Variants in EFNA5 observed in about 807,000 individuals in gnomAD.
EFNA5 encodes ephrin A5.
In EFNA5, 5 loss-of-function variants were observed where a neutral mutation model predicts 22.9. The observed-to-expected ratio is 0.22, with a 90% confidence interval of 0.11 to 0.46. The LOEUF (loss-of-function observed/expected upper bound fraction) is 0.46, where lower values mean the gene tolerates loss of function less well. Among genes scored for constraint, EFNA5 ranks in the 20% least tolerant of loss-of-function variants. The pLI, the probability that EFNA5 is intolerant of heterozygous loss-of-function variation, is 0.99. For synonymous variants in EFNA5, 113 were observed against 112.2 expected (o/e 1.01, Z -0.04); for missense variants, 237 against 293.3 (o/e 0.81, Z 1.40).
chr5:107,598,984 G>C (rs1749532199), intron 1 of EFNA5, among the ~76,000 whole-genome samples: 1 of 152,096 alleles, frequency 6.6e-6, no homozygotes, highest in South Asian at 2.1e-4. Context: ...CCTGGATTGG[G>C]GGCATCCTAC....
chr5:107,421,316 A>G (rs1400466542), intron 2 of EFNA5, among the ~76,000 whole-genome samples: 3 of 152,234 alleles, frequency 2.0e-5, no homozygotes, highest in African/African-American at 7.2e-5. Flanking sequence ...AATAACTCAG[A>G]TATAACAAAT....
intron 1 of EFNA5, among the ~76,000 whole-genome samples, chr5:107,431,655 T>C (rs1363288937): frequency 2.6e-5 from 4 of 152,100 alleles, no homozygotes; most frequent in Admixed American, 1.3e-4. Context: ...ACTTTTCCAT[T>C]TTGTGAGAGA....
chr5:107,480,765 C>T (rs555702762), intron 1 of EFNA5, among the ~76,000 whole-genome samples: 270 of 152,252 alleles, frequency 1.8e-3, no homozygotes, highest in Non-Finnish European at 3.1e-3. Flanking sequence ...CCCAGAAAGA[C>T]AAAATGAGGG....
intron 1 of EFNA5, among the ~76,000 whole-genome samples, chr5:107,655,019 A>G (rs1363197598): frequency 6.6e-6 from 1 of 152,140 alleles, no homozygotes; most frequent in Non-Finnish European, 1.5e-5. Flanking sequence ...CATGGAAAAA[A>G]AAAAATGCTG....
intron 1 of EFNA5, among the ~76,000 whole-genome samples, chr5:107,633,492 A>C (rs1378179122): frequency 6.6e-6 from 1 of 152,236 alleles, no homozygotes; most frequent in Non-Finnish European, 1.5e-5. Context: ...CCCGCGCCTC[A>C]TGGCACTGCT....
At chr5:107,664,194 G>A (rs778837094) in intron 1 of EFNA5, among the ~76,000 whole-genome samples, 2 of 152,076 alleles carry the variant, frequency 1.3e-5, no homozygotes, top group African/African-American at 2.4e-5. Context: ...AAATCCTTTA[G>A]AGAGTACAAT....
chr5:107,510,994 CTT>C (rs1747355156), intron 1 of EFNA5, among the ~76,000 whole-genome samples: 2 of 136,566 alleles, frequency 1.5e-5, no homozygotes, highest in African/African-American at 6.2e-5. Flanking sequence ...GCATTTCTTT[CTT>C]TTTCTTTGTG....
In EFNA5 at chr5:107,580,541, G is replaced by A. The variant is rs142890908; in HGVS notation, c.125+89948C>T. On this transcript the variant is annotated intron_variant, in intron 1 of 4. Coordinates refer to ENST00000333274, the MANE Select transcript of EFNA5 (RefSeq NM_001962.3). ...AGATCGAGACCATCCTGGCTAACAC[G>A]GTGAAACCCTGTCTCTACTAAAAAT... is the stretch of plus-strand genomic sequence containing the variant. Among the ~76,000 whole-genome samples, 631 of 151,918 alleles carry A rather than the reference G, an allele frequency of 4.2e-3. 5 individuals are homozygous for A. Among genetic ancestry groups the A allele is most frequent in the African/African-American group, 0.014 (570 of 41,430 alleles).
intron 1 of EFNA5, among the ~76,000 whole-genome samples, chr5:107,641,426 A>G (rs1315219962): frequency 6.6e-6 from 1 of 152,194 alleles, no homozygotes; most frequent in Non-Finnish European, 1.5e-5. Context: ...GTGTCGGAGA[A>G]AATGAGTAAT....
At chr5:107,504,840 T>C (rs1175274352) in intron 1 of EFNA5, among the ~76,000 whole-genome samples, 1 of 152,196 alleles carries the variant, frequency 6.6e-6, no homozygotes, top group Non-Finnish European at 1.5e-5. Flanking sequence ...TCTTTAGGAA[T>C]AACCCTAATT....
chr5:107,414,021 C>A (rs1207107101), intron 2 of EFNA5, among the ~76,000 whole-genome samples: 13 of 152,174 alleles, frequency 8.5e-5, no homozygotes. Context: ...TCCTCTAGTA[C>A]CCACTTCTTT....
intron 1 of EFNA5, among the ~76,000 whole-genome samples, chr5:107,472,041 G>A (rs1345956799): frequency 1.3e-5 from 2 of 152,160 alleles, no homozygotes. Flanking sequence ...GTTCTGAAAA[G>A]CTATAGATAT....
rs142689385 is a variant in EFNA5, at chr5:107,445,741, C to G, written c.126-18232G>C. On this transcript the variant is annotated intron_variant, in intron 1 of 4. Transcript: ENST00000333274. The stretch of plus-strand genomic sequence containing the variant: ...ACACTAATAGGCGTCCTCTGAACCA[C>G]TTGGGAGGTGTCACTAATAAAAAGT... 3.8e-3 allele frequency among the ~76,000 whole-genome samples: 574 copies of G among 152,238 alleles called. 5 individuals are homozygous for G. Among genetic ancestry groups the G allele is most frequent in the Middle Eastern group, 0.024 (7 of 294 alleles).
chr5:107,466,853 G>A (rs1299004109), intron 1 of EFNA5, among the ~76,000 whole-genome samples: 2 of 152,118 alleles, frequency 1.3e-5, no homozygotes, highest in African/African-American at 4.8e-5. Flanking sequence ...AGCTGGAGCT[G>A]GGGCAAATGG....
chr5:107,597,797 A>G (rs1749504671), intron 1 of EFNA5, among the ~76,000 whole-genome samples: 1 of 152,138 alleles, frequency 6.6e-6, no homozygotes, highest in African/African-American at 2.4e-5. Context: ...TATATATTCA[A>G]TTTTTACAAG....
chr5:107,497,193 G>C (rs1474493301), intron 1 of EFNA5, among the ~76,000 whole-genome samples: 1 of 152,152 alleles, frequency 6.6e-6, no homozygotes, highest in Non-Finnish European at 1.5e-5. Context: ...ATAAAAAATT[G>C]TTGATGTACA....
intron 2 of EFNA5, among the ~76,000 whole-genome samples, chr5:107,425,036 C>G (rs1748774150): frequency 6.6e-6 from 1 of 152,066 alleles, no homozygotes; most frequent in African/African-American, 2.4e-5. Context: ...CTCAGCTGAA[C>G]AGCAAAAAGC....
At chr5:107,602,377 ACCATT>A (rs2112513303) in intron 1 of EFNA5, among the ~76,000 whole-genome samples, 1 of 152,348 alleles carries the variant, frequency 6.6e-6, no homozygotes, top group Admixed American at 6.5e-5. Flanking sequence ...CCAACAAATA[ACCATT>A]CCAAGAAAGA....
At chr5:107,397,283 G>A (rs921317795) in intron 2 of EFNA5, among the ~76,000 whole-genome samples, 2 of 152,128 alleles carry the variant, frequency 1.3e-5, no homozygotes, top group African/African-American at 2.4e-5. Flanking sequence ...GGGCGTGGTG[G>A]CTCATGCCTG....
Sources: gnomAD v4.1 joint callset for allele counts (sites outside exome capture counted in the v4.1 genomes callset) on GRCh38, gnomAD v4.1.1 for gene constraint, MANE v1.5 for transcripts, NCBI Gene and HGNC (gene_info 2026-07-23, HGNC 2026-07-21) for gene names.